Variants in CAMKMT observed in about 807,000 individuals in gnomAD.
CAMKMT encodes calmodulin-lysine N-methyltransferase.
CAMKMT carries 53 observed loss-of-function variants against 48.0 expected under a neutral mutation model. That is an observed-to-expected ratio of 1.10 (90% CI 0.89 to 1.39). CAMKMT has a LOEUF of 1.39. Among genes scored for constraint, CAMKMT ranks in the 40% most tolerant of loss-of-function variants. CAMKMT has a pLI of 0.00. For synonymous variants in CAMKMT, 165 were observed against 152.3 expected (o/e 1.08, Z -0.61); for missense variants, 428 against 402.7 (o/e 1.06, Z -0.54).
At chr2:44,422,171 G>C (rs1356847354) in intron 3 of CAMKMT, among the ~76,000 whole-genome samples, 3 of 152,200 alleles carry the variant, frequency 2.0e-5, no homozygotes, top group Non-Finnish European at 1.5e-5. Context: ...ACAGAATCTG[G>C]TTGTTTAAAA....
intron 3 of CAMKMT, among the ~76,000 whole-genome samples, chr2:44,462,016 T>C (rs1230807265): frequency 6.6e-6 from 1 of 152,240 alleles, no homozygotes; most frequent in African/African-American, 2.4e-5. Flanking sequence ...TACATATTTC[T>C]ACTTCCAATT....
At chr2:44,738,854 G>T (rs536299010) in intron 7 of CAMKMT, among the ~76,000 whole-genome samples, 1 of 152,326 alleles carries the variant, frequency 6.6e-6, no homozygotes. Flanking sequence ...CCCTGAGAAG[G>T]TAAGACATAT....
chr2:44,697,430 C>A (rs1452177248), intron 3 of CAMKMT, among the ~76,000 whole-genome samples: 1 of 151,866 alleles, frequency 6.6e-6, no homozygotes, highest in African/African-American at 2.4e-5. Context: ...TTAGAAGATA[C>A]CAGGAGAGAT....
At chr2:44,723,589 A>AAAAT (rs1202659294) in intron 7 of CAMKMT, 15 of 138,882 alleles carry the variant, frequency 1.1e-4, no homozygotes, top group African/African-American at 3.1e-4. Flanking sequence ...AGTCCATCTC[A>AAAAT]AAATAAATAA....
At chr2:44,473,541 A>G (rs1207158044) in intron 3 of CAMKMT, among the ~76,000 whole-genome samples, 4 of 152,182 alleles carry the variant, frequency 2.6e-5, no homozygotes, top group African/African-American at 9.7e-5. Flanking sequence ...TGGGAAGGTA[A>G]GTTAACGAAG....
At chr2:44,463,389 A>G (rs551353411) in intron 3 of CAMKMT, among the ~76,000 whole-genome samples, 73 of 152,376 alleles carry the variant, frequency 4.8e-4, no homozygotes, top group Non-Finnish European at 6.8e-4. Context: ...AAGTAGTTCC[A>G]TTTGAATGAT....
chr2:44,705,315 G>T, intron 4 of CAMKMT: 1 of 983,812 alleles, frequency 1.0e-6, no homozygotes, highest in Non-Finnish European at 1.2e-6. Flanking sequence ...TTCTCCTCTT[G>T]AGGTAATAAA....
chr2:44,683,193 CT>C (rs1231508040), intron 3 of CAMKMT, among the ~76,000 whole-genome samples: 1 of 146,108 alleles, frequency 6.8e-6, no homozygotes, highest in Non-Finnish European at 1.5e-5. Context: ...TTCTATAAAA[CT>C]GTTTATTGAG....
At chr2:44,678,187 A>T (rs1474045431) in intron 3 of CAMKMT, among the ~76,000 whole-genome samples, 1 of 152,202 alleles carries the variant, frequency 6.6e-6, no homozygotes, top group African/African-American at 2.4e-5. Flanking sequence ...AGTAGCTTGG[A>T]AAAAAATTTT....
intron 2 of CAMKMT, among the ~76,000 whole-genome samples, chr2:44,373,585 C>A (rs1323634548): frequency 1.3e-5 from 2 of 152,084 alleles, no homozygotes; most frequent in African/African-American, 4.8e-5. Context: ...TTTACAGTAA[C>A]TGTAAGAAGA....
At chr2:44,457,893 T>C (rs960483168) in intron 3 of CAMKMT, among the ~76,000 whole-genome samples, 36 of 152,180 alleles carry the variant, frequency 2.4e-4, no homozygotes, top group Non-Finnish European at 4.6e-4. Flanking sequence ...GGATAAGCCA[T>C]TCCCCTGCAA....
intron 3 of CAMKMT, among the ~76,000 whole-genome samples, chr2:44,396,221 C>T (rs924601989): frequency 5.3e-5 from 8 of 151,948 alleles, no homozygotes; most frequent in African/African-American, 1.9e-4. Context: ...CTTCTAAGTG[C>T]GAGTCAAACA....
At chr2:44,752,141 T>C (rs1680180024) in intron 8 of CAMKMT, among the ~76,000 whole-genome samples, 2 of 152,060 alleles carry the variant, frequency 1.3e-5, no homozygotes, top group South Asian at 4.2e-4. Context: ...GCCCCATGGT[T>C]TTGGCATCCT....
chr2:44,495,448 A>G (rs1466170439), intron 3 of CAMKMT, among the ~76,000 whole-genome samples: 1 of 152,216 alleles, frequency 6.6e-6, no homozygotes, highest in Non-Finnish European at 1.5e-5. Context: ...ACAGCCAAGA[A>G]TTGATATTTA....
At chr2:44,674,833 A>C (rs1473829804) in intron 3 of CAMKMT, among the ~76,000 whole-genome samples, 1 of 151,918 alleles carries the variant, frequency 6.6e-6, no homozygotes, top group African/African-American at 2.4e-5. Flanking sequence ...TTGTTTCTCT[A>C]CCCTGCTAAT....
chr2:44,467,238 T>C (rs1263903009), intron 3 of CAMKMT, among the ~76,000 whole-genome samples: 1 of 150,108 alleles, frequency 6.7e-6, no homozygotes, highest in Non-Finnish European at 1.5e-5. Flanking sequence ...CAAGACCCTG[T>C]CTCCAAAAAC....
At chr2:44,456,656 G>C in intron 3 of CAMKMT, 7 of 1,531,714 alleles carry the variant, frequency 4.6e-6, no homozygotes, top group Non-Finnish European at 6.2e-6. Flanking sequence ...GGGGAGATGG[G>C]ACTTATAAGA....
chr2:44,694,056 G>A (rs1465349267), intron 3 of CAMKMT, among the ~76,000 whole-genome samples: 1 of 152,190 alleles, frequency 6.6e-6, no homozygotes, highest in Non-Finnish European at 1.5e-5. Flanking sequence ...AGTTGGTGGG[G>A]AGGAGGGAGC....
intron 7 of CAMKMT, among the ~76,000 whole-genome samples, chr2:44,722,784 C>T (rs1233547044): frequency 6.6e-6 from 1 of 152,080 alleles, no homozygotes; most frequent in Non-Finnish European, 1.5e-5. Context: ...TTTGTTGTCA[C>T]TTTGTTTTGC....
Sources: allele counts gnomAD v4.1 joint callset (sites outside exome capture counted in the v4.1 genomes callset), GRCh38; gene constraint gnomAD v4.1.1; transcripts MANE v1.5; gene names NCBI Gene and HGNC (gene_info 2026-07-23, HGNC 2026-07-21).